The following RPTOR variants were observed in gnomAD, a reference collection of about 807,000 sequenced individuals.
RPTOR encodes the protein regulatory associated protein of MTOR complex 1.
A neutral mutation model predicts 169.9 loss-of-function variants in RPTOR; 21 were observed. That is an observed-to-expected ratio of 0.12 (90% CI 0.09 to 0.18). RPTOR has a LOEUF of 0.18. RPTOR is among the 10% of genes least tolerant of loss of function. The pLI, the probability that RPTOR is intolerant of heterozygous loss-of-function variation, is 1.00. For missense variants in RPTOR, 1,133 were observed against 1,855.9 expected, an observed-to-expected ratio of 0.61 and a Z score of 7.16; for synonymous variants, 732 against 753.2, an observed-to-expected ratio of 0.97 and a Z score of 0.46.
chr17:80,954,895 C>A (rs2144081960), intron 28 of RPTOR, among the ~76,000 whole-genome samples: 1 of 151,390 alleles, frequency 6.6e-6, no homozygotes, highest in Admixed American at 6.6e-5. Context: ...CCAGCCTGGG[C>A]AAAAGTGTGA....
intron 21 of RPTOR, among the ~76,000 whole-genome samples, chr17:80,914,118 T>C (rs1033383556): frequency 6.6e-6 from 1 of 152,200 alleles, no homozygotes; most frequent in African/African-American, 2.4e-5. Flanking sequence ...AAAGGTCAAA[T>C]TGATGGCAGT....
intron 5 of RPTOR, among the ~76,000 whole-genome samples, chr17:80,736,443 C>T (rs1304519419): frequency 6.6e-6 from 1 of 152,162 alleles, no homozygotes. Flanking sequence ...GCCCCCCGCC[C>T]CTACCAATGT....
intron 10 of RPTOR, among the ~76,000 whole-genome samples, chr17:80,840,778 C>T (rs2067632480): frequency 7.4e-6 from 1 of 134,696 alleles, no homozygotes; most frequent in Non-Finnish European, 1.6e-5. Context: ...TCTCACCACA[C>T]CGCAGCTCAC....
intron 3 of RPTOR, among the ~76,000 whole-genome samples, chr17:80,703,064 A>G (rs2066114577): frequency 6.6e-6 from 1 of 152,186 alleles, no homozygotes; most frequent in African/African-American, 2.4e-5. Context: ...CCAGGGAGAC[A>G]GATGTGGAGA....
At chr17:80,624,127 A>G (rs28719636) in intron 1 of RPTOR, among the ~76,000 whole-genome samples, 48,782 of 151,956 alleles carry the variant, frequency 0.32, 8,071 homozygotes, top group African/African-American at 0.39. Context: ...CTGTCAATTA[A>G]ATTAATGTTA....
intron 6 of RPTOR, among the ~76,000 whole-genome samples, chr17:80,775,556 T>C (rs1301263789): frequency 5.3e-5 from 8 of 152,190 alleles, no homozygotes; most frequent in Admixed American, 1.3e-4. Flanking sequence ...CCACTGATGA[T>C]CAAATTTCTT....
At chr17:80,582,862 C>A (rs2065026351) in intron 1 of RPTOR, among the ~76,000 whole-genome samples, 2 of 151,334 alleles carry the variant, frequency 1.3e-5, no homozygotes, top group African/African-American at 4.9e-5. Context: ...TGTTTTAAAT[C>A]TATTAGAAAA....
At chr17:80,839,051 G>A (rs143331413) in intron 10 of RPTOR, among the ~76,000 whole-genome samples, 7 of 152,324 alleles carry the variant, frequency 4.6e-5, no homozygotes, top group African/African-American at 1.4e-4. Flanking sequence ...GGAAGGTTCC[G>A]TCCACTGCAC....
intron 16 of RPTOR, among the ~76,000 whole-genome samples, chr17:80,884,623 C>T (rs1312796296): frequency 6.6e-6 from 1 of 152,162 alleles, no homozygotes; most frequent in Non-Finnish European, 1.5e-5. Context: ...TTCAGGGCCC[C>T]CATGCCCCTC....
chr17:80,777,187 A>G, intron 6 of RPTOR, among the ~76,000 whole-genome samples: 1 of 151,652 alleles, frequency 6.6e-6, no homozygotes, highest in African/African-American at 2.4e-5. Flanking sequence ...CAGTGAACCA[A>G]GATGGCATCA....
At chr17:80,921,321 C>A (rs1198191141) in intron 21 of RPTOR, among the ~76,000 whole-genome samples, 2 of 152,214 alleles carry the variant, frequency 1.3e-5, no homozygotes, top group African/African-American at 4.8e-5. Context: ...GAGCAGCTGG[C>A]CCCATCCTCC....
intron 3 of RPTOR, among the ~76,000 whole-genome samples, chr17:80,702,306 A>G (rs2066107980): frequency 6.6e-6 from 1 of 152,044 alleles, no homozygotes; most frequent in Non-Finnish European, 1.5e-5. Context: ...ACATCCTCCA[A>G]AACTCCTGTG....
intron 1 of RPTOR, among the ~76,000 whole-genome samples, chr17:80,575,422 C>T (rs1442994136): frequency 6.6e-6 from 1 of 152,174 alleles, no homozygotes; most frequent in East Asian, 1.9e-4. Context: ...TTTTTGATTT[C>T]TTAATTGCAT....
intron 1 of RPTOR, among the ~76,000 whole-genome samples, chr17:80,616,728 G>A (rs7503203): frequency 0.3 from 45,537 of 151,950 alleles, 7,105 homozygotes; most frequent in Non-Finnish European, 0.36. Flanking sequence ...GAAGCAATAG[G>A]CTTCACTTTG....
chr17:80,859,975 A>C (rs536841039), intron 13 of RPTOR, among the ~76,000 whole-genome samples: 1 of 152,228 alleles, frequency 6.6e-6, no homozygotes, highest in African/African-American at 2.4e-5. Flanking sequence ...GGGAAATGGA[A>C]GGTCTAGCAA....
intron 13 of RPTOR, among the ~76,000 whole-genome samples, chr17:80,859,548 C>T (rs1199557865): frequency 1.3e-5 from 2 of 152,198 alleles, no homozygotes; most frequent in African/African-American, 4.8e-5. Flanking sequence ...GTCAGTCTTG[C>T]TCTGGGGGTG....
At chr17:80,924,011 G>T in intron 23 of RPTOR, 1 of 360,640 alleles carries the variant, frequency 2.8e-6, no homozygotes, top group Non-Finnish European at 5.1e-6. Context: ...CAGGAGCACG[G>T]AGTTACCTGG....
Position 80,961,814 on chromosome 17 carries a change from G to A in RPTOR, c.3692+334G>A, listed in dbSNP as rs535661079. 8 of 309,812 alleles carry A rather than the reference G, an allele frequency of 2.6e-5. No homozygotes were observed. In the South Asian group the frequency reaches 4.3e-4, roughly 17 times the overall value. The allele number at this position is 309,812 out of a possible 1,614,324, so 19.2% of individuals were successfully genotyped here. ...CAGGGGCGGCGCGTCTGCCAGGCAC[G>A]TGGCAGTTGTCTGCACATAAATTCA... On this transcript the variant is annotated intron_variant, in intron 31 of 33. Transcript: ENST00000306801.
At chr17:80,849,680 G>A (rs551262186) in intron 11 of RPTOR, among the ~76,000 whole-genome samples, 6 of 152,122 alleles carry the variant, frequency 3.9e-5, no homozygotes, top group South Asian at 4.1e-4. Flanking sequence ...CACCATGCCC[G>A]GCTAATTTTT....
Sources: gnomAD v4.1 joint callset for allele counts (sites outside exome capture counted in the v4.1 genomes callset) on GRCh38, gnomAD v4.1.1 for gene constraint, MANE v1.5 for transcripts, NCBI Gene and HGNC (gene_info 2026-07-23, HGNC 2026-07-21) for gene names.